The following TARS3 variants were observed in gnomAD, a reference collection of about 807,000 sequenced individuals.
TARS3 encodes the protein threonine--tRNA ligase 2, cytoplasmic.
TARS3 carries 94 observed loss-of-function variants against 103.5 expected under a neutral mutation model. That is an observed-to-expected ratio of 0.91 (90% CI 0.77 to 1.08). TARS3 has a LOEUF of 1.08. Ranked by LOEUF, TARS3 falls within the 50% of genes least tolerant of loss-of-function variation. The probability of loss-of-function intolerance (pLI) is 0.00; values close to 1 mark genes in which losing one functional copy is unlikely to be tolerated. For synonymous variants in TARS3, 416 were observed against 355.4 expected (o/e 1.17, Z -1.92); for missense variants, 952 against 995.2 (o/e 0.96, Z 0.58).
intron 7 of TARS3, among the ~76,000 whole-genome samples, chr15:101,704,475 A>G (rs1899443114): frequency 1.3e-5 from 2 of 152,036 alleles, no homozygotes; most frequent in South Asian, 2.1e-4. Flanking sequence ...CAACATAGTG[A>G]AACCCTGTCT....
At chr15:101,720,960 C>G (rs1018257725) in intron 3 of TARS3, among the ~76,000 whole-genome samples, 166 bp downstream of exon 3, 1 of 152,230 alleles carries the variant, frequency 6.6e-6, no homozygotes, top group African/African-American at 2.4e-5. Flanking sequence ...CCCTGCGGAA[C>G]TGTGAGTCAA....
intron 2 of TARS3, 40 bp from the exon 3 acceptor site, chr15:101,721,362 C>T: frequency 5.9e-6 from 9 of 1,514,052 alleles, no homozygotes; most frequent in Non-Finnish European, 8.2e-6. Flanking sequence ...ATATATACAG[C>T]CTACTGTTTT....
intron 6 of TARS3, among the ~76,000 whole-genome samples, chr15:101,707,318 A>T (rs1434533258): frequency 1.3e-5 from 2 of 152,256 alleles, no homozygotes; most frequent in Non-Finnish European, 2.9e-5. Context: ...CATAGGATCC[A>T]GAAATTCCCC....
chr15:101,656,834 A>C (rs1272413067), intron 18 of TARS3, 88 bp downstream of exon 18: 1 of 757,880 alleles, frequency 1.3e-6, no homozygotes, highest in Non-Finnish European at 2.2e-6. Flanking sequence ...ATGATAATCA[A>C]GTAGTTGAAC....
intron 10 of TARS3, among the ~76,000 whole-genome samples, chr15:101,693,995 C>T (rs915106989): frequency 5.3e-5 from 8 of 151,324 alleles, no homozygotes; most frequent in East Asian, 1.9e-4. Flanking sequence ...ATCAAAAAGG[C>T]GTACATTTTA....
At chr15:101,710,501 T>C (rs886202915) in intron 5 of TARS3, among the ~76,000 whole-genome samples, 12 of 152,210 alleles carry the variant, frequency 7.9e-5, no homozygotes, top group Admixed American at 7.2e-4. Flanking sequence ...GGAATCTGCA[T>C]TAACTCAGGG....
chr15:101,659,396 G>C (rs1283455795), intron 16 of TARS3, among the ~76,000 whole-genome samples: 1 of 152,042 alleles, frequency 6.6e-6, no homozygotes. Context: ...ATTTCCTTTT[G>C]AGCTCTGTCC....
chr15:101,693,105 G>A (rs529550415), intron 10 of TARS3, among the ~76,000 whole-genome samples: 4 of 152,164 alleles, frequency 2.6e-5, no homozygotes, highest in Non-Finnish European at 5.9e-5. Flanking sequence ...CACAGCTGGT[G>A]GGAATGCAAA....
rs140393852 is a variant in TARS3 at position 101,680,696 on chromosome 15, A to G, written c.1650+3379T>C. ...TTTGAATATTTGTTAAGTATTCTGG[A>G]TTCAAGTCCTTTATTTGATATATGC... On this transcript the variant is annotated intron_variant, in intron 12 of 18. Transcript: ENST00000335968. 3.3e-4 allele frequency among the ~76,000 whole-genome samples: 51 copies of G among 152,274 alleles called. 1 individual carries two copies. Among genetic ancestry groups the G allele is most frequent in the African/African-American group, 1.1e-3 (45 of 41,552 alleles).
At position 101,721,328 on chromosome 15, in the gene TARS3, A is replaced by C; in HGVS notation, c.370-6T>G. On this transcript the variant is annotated splice_polypyrimidine_tract_variant and splice_region_variant and intron_variant, in intron 2 of 18. Transcript: ENST00000335968. Reference sequence around the variant, plus strand: ...AAAATTGGTTGATGCTTCACCTGGAAATTATTAGAACATAATGAGATTAAT... The same window carrying C: ...AAAATTGGTTGATGCTTCACCTGGACATTATTAGAACATAATGAGATTAAT... 4 of 1,604,526 alleles carry C rather than the reference A, an allele frequency of 2.5e-6. No individual in the cohort carries two copies. The South Asian group carries it at 3.3e-5, about 13-fold the overall frequency.
chr15:101,720,185 C>G (rs1427649075), intron 3 of TARS3, among the ~76,000 whole-genome samples: 1 of 152,080 alleles, frequency 6.6e-6, no homozygotes, highest in African/African-American at 2.4e-5. Context: ...CCATAGTTTT[C>G]AAAGAAAATC....
chr15:101,710,600 C>T (rs1358365864), intron 5 of TARS3, among the ~76,000 whole-genome samples: 2 of 152,172 alleles, frequency 1.3e-5, no homozygotes, highest in Non-Finnish European at 2.9e-5. Context: ...GGAAAAAACC[C>T]ACACCTTTGA....
At chr15:101,705,286 G>A (rs904729682) in intron 7 of TARS3, among the ~76,000 whole-genome samples, 2 of 152,118 alleles carry the variant, frequency 1.3e-5, no homozygotes, top group African/African-American at 2.4e-5. Flanking sequence ...TCTGGACAAT[G>A]GGGCAGACTC....
intron 7 of TARS3, 63 bp downstream of exon 7, chr15:101,705,620 G>A (rs1899516264): frequency 7.2e-7 from 1 of 1,396,284 alleles, no homozygotes. Context: ...AACAAACTCG[G>A]CCTCTACTGC....
intron 10 of TARS3, among the ~76,000 whole-genome samples, chr15:101,689,494 C>T (rs865843386): frequency 2.6e-5 from 4 of 151,526 alleles, no homozygotes; most frequent in African/African-American, 9.8e-5. Context: ...GATCCTAATA[C>T]TATATGGCTG....
chr15:101,664,556 C>G (rs557283250), intron 15 of TARS3: 1 of 152,072 alleles, frequency 6.6e-6, no homozygotes, highest in Non-Finnish European at 1.5e-5. Flanking sequence ...ATAAAGGCTT[C>G]GATAACTGAA....
At chr15:101,683,248 TC>T (rs1194262727) in intron 12 of TARS3, among the ~76,000 whole-genome samples, 8 of 152,246 alleles carry the variant, frequency 5.3e-5, no homozygotes, top group African/African-American at 1.9e-4. Context: ...GCTATAAACA[TC>T]CCTCTACCAC....
At chr15:101,673,049 G>A (rs540057777) in intron 13 of TARS3, among the ~76,000 whole-genome samples, 27 of 152,238 alleles carry the variant, frequency 1.8e-4, no homozygotes, top group African/African-American at 5.3e-4. Flanking sequence ...AGAGAGCATC[G>A]GATACATGAA....
At chr15:101,701,745 A>G (rs1361551069) in intron 9 of TARS3, among the ~76,000 whole-genome samples, 2 of 152,174 alleles carry the variant, frequency 1.3e-5, no homozygotes, top group East Asian at 3.8e-4. Flanking sequence ...CCAGATACAA[A>G]GGATGCTATA....
Sources: allele counts gnomAD v4.1 joint callset (sites outside exome capture counted in the v4.1 genomes callset), GRCh38; gene constraint gnomAD v4.1.1; transcripts MANE v1.5; gene names NCBI Gene and HGNC (gene_info 2026-07-23, HGNC 2026-07-21).